The following RASA3 variants were observed in gnomAD, a reference collection of about 807,000 sequenced individuals.
The protein encoded by RASA3 is RAS p21 protein activator 3.
RASA3 carries 73 observed loss-of-function variants against 110.0 expected under a neutral mutation model. The ratio of observed to expected loss-of-function variants is 0.66; its 90% CI spans 0.55 to 0.81. The LOEUF (loss-of-function observed/expected upper bound fraction) is 0.81. Ranked by LOEUF, RASA3 falls within the 30% of genes least tolerant of loss-of-function variation. The pLI is 0.00. For synonymous variants in RASA3, 500 were observed against 451.4 expected, an observed-to-expected ratio of 1.11 and a Z score of -1.37; for missense variants, 976 against 1,113.2, an observed-to-expected ratio of 0.88 and a Z score of 1.75.
intron 4 of RASA3, among the ~76,000 whole-genome samples, chr13:114,034,859 G>A (rs372612281): frequency 2.0e-5 from 3 of 152,194 alleles, no homozygotes; most frequent in East Asian, 3.9e-4. Flanking sequence ...CTGGAGTGCC[G>A]GCCACACAGA....
chr13:113,995,597 GGCTGATGGGGGGCCCT>G (rs1050366776), intron 21 of RASA3, among the ~76,000 whole-genome samples: 6 of 151,872 alleles, frequency 4.0e-5, no homozygotes, highest in Admixed American at 1.3e-4. Flanking sequence ...CCAGAGGCCC[GGCTGATGGGGGGCCCT>G]GCTGATGGGG....
rs893867032 is a variant in RASA3 at position 114,115,616 on chromosome 13, G to T, written c.55+16819C>A. The stretch of plus-strand genomic sequence containing the variant: ...CCTCTGCAGGCCTCGTGTCCCCCTC[G>T]CTGTCGCCTGCCGATTTGGTGGCTC... On this transcript the variant is annotated intron_variant, in intron 1 of 23. Transcript: ENST00000334062. This position sits in a 1 kb window ranked among gnomAD's most constrained non-coding sequence, Gnocchi z 5.0. Among the ~76,000 whole-genome samples, 7 of 152,256 alleles carry T rather than the reference G, an allele frequency of 4.6e-5. No homozygotes were observed. Among genetic ancestry groups the T allele is most frequent in the Non-Finnish European group, 8.8e-5 (6 of 68,022 alleles).
intron 1 of RASA3, among the ~76,000 whole-genome samples, chr13:114,128,565 G>A (rs1402106284): frequency 6.6e-6 from 1 of 152,252 alleles, no homozygotes; most frequent in Non-Finnish European, 1.5e-5. Context: ...TCCTGCTTCA[G>A]GTGGGATTCT....
Position 114,073,260 on chromosome 13 carries a change from CGGG to C in RASA3, c.173+457_173+459del, listed in dbSNP as rs1566552211. Reference sequence around the variant, plus strand: ...GAAAAATTCCCTACACGCGGGAAAACGGGACGGTGATGTACACGCTCGGGACAT... The same window carrying C: ...GAAAAATTCCCTACACGCGGGAAAACACGGTGATGTACACGCTCGGGACAT... On this transcript the variant is annotated intron_variant, in intron 2 of 23. Coordinates refer to ENST00000334062, the MANE Select transcript of RASA3 (RefSeq NM_007368.4). 3.0e-4 allele frequency among the ~76,000 whole-genome samples: 38 copies of C among 125,454 alleles called. 2 individuals carry two copies. The highest frequency in any genetic ancestry group is 1.3e-3 in the East Asian group (5 of 3,868). The allele number at this position is 125,454 out of a possible 152,430, so 82.3% of individuals were successfully genotyped here.
intron 23 of RASA3, among the ~76,000 whole-genome samples, chr13:113,979,660 G>A (rs558504700): frequency 1.2e-4 from 18 of 152,190 alleles, no homozygotes; most frequent in Non-Finnish European, 2.4e-4. Flanking sequence ...CCTGTGGCAC[G>A]TGTGTAGCGC....
At chr13:114,034,294 C>T (rs910234340) in intron 4 of RASA3, among the ~76,000 whole-genome samples, 3 of 152,274 alleles carry the variant, frequency 2.0e-5, no homozygotes, top group Admixed American at 1.3e-4. Flanking sequence ...TCTCTCAGGA[C>T]AGAAGCGTTC....
chr13:114,018,265 G>A lies in RASA3; in HGVS notation c.943-13C>T, dbSNP rs1053169885. On this transcript the variant is annotated splice_polypyrimidine_tract_variant and intron_variant, in intron 10 of 23. Coordinates refer to ENST00000334062, the MANE Select transcript of RASA3 (RefSeq NM_007368.4). The stretch of plus-strand genomic sequence containing the variant: ...ACGCTGACACGGGCTGCGGGGAGGG[G>A]TGAGGTCAGTGCCAGGGCCCGGGGT... 3 of 1,548,236 alleles carry A rather than the reference G, an allele frequency of 1.9e-6. No individual in the cohort carries two copies. The highest frequency in any genetic ancestry group is 2.0e-5 in the Admixed American group (1 of 51,030).
intron 16 of RASA3, among the ~76,000 whole-genome samples, chr13:114,009,970 G>C (rs562868386): frequency 1.2e-4 from 18 of 152,200 alleles, no homozygotes; most frequent in African/African-American, 4.3e-4. Context: ...CCTGAGGCTC[G>C]ACCCCAAGTT....
rs770267107 is a variant in RASA3 at position 113,996,596 on chromosome 13, C to A, written c.2076G>T (p.Leu692=). ...RLTVYHPSAY[L]SGHWLCCRAP... ...CCCTACAGCACAGCCAGTGGCCGCT[C>A]AGGTAGGCGGACGGGTGGTAGACGG... The change falls in exon 21 of 24, where the codon CTG becomes CTT. Residue 692 remains leucine (L), a synonymous_variant. Transcript: ENST00000334062. 6.2e-7 allele frequency: 1 copy of A among 1,613,492 alleles called. No individual in the cohort carries two copies. Among genetic ancestry groups the A allele is most frequent in the Admixed American group, 1.7e-5 (1 of 60,008 alleles).
intron 1 of RASA3, among the ~76,000 whole-genome samples, chr13:114,109,797 C>T (rs944496424): frequency 1.3e-5 from 2 of 152,092 alleles, no homozygotes; most frequent in African/African-American, 4.8e-5. Context: ...GCGGGGCTGG[C>T]GCAGGGCCAC....
intron 20 of RASA3, among the ~76,000 whole-genome samples, chr13:113,998,099 G>C (rs1158541312): frequency 6.6e-6 from 1 of 152,218 alleles, no homozygotes; most frequent in Non-Finnish European, 1.5e-5. Context: ...GCTGGGAACA[G>C]GCGGCTGAAA....
intron 4 of RASA3, among the ~76,000 whole-genome samples, chr13:114,040,488 C>T (rs1353395082): frequency 4.6e-5 from 6 of 131,648 alleles, no homozygotes; most frequent in Non-Finnish European, 9.5e-5. Context: ...CGCGCTCACT[C>T]CGAGCACAAG....
intron 1 of RASA3, among the ~76,000 whole-genome samples, chr13:114,107,371 T>C (rs2080148803): frequency 6.6e-6 from 1 of 152,136 alleles, no homozygotes; most frequent in Non-Finnish European, 1.5e-5. Context: ...CTGTGTGTCC[T>C]GCCTTCGTGC....
At chr13:114,007,781 A>G (rs1423593621) in intron 17 of RASA3, among the ~76,000 whole-genome samples, 175 bp from the exon 18 acceptor site, 2 of 152,124 alleles carry the variant, frequency 1.3e-5, no homozygotes, top group Non-Finnish European at 2.9e-5. Context: ...CCACTGTGCC[A>G]CCCCAGCCCC....
chr13:114,002,748 A>C (rs1262015171), intron 18 of RASA3, among the ~76,000 whole-genome samples: 1 of 152,198 alleles, frequency 6.6e-6, no homozygotes, highest in Non-Finnish European at 1.5e-5. Flanking sequence ...CTCACTGCAC[A>C]GCTCTGGTCT....
chr13:114,077,724 C>T (rs2079714225), intron 1 of RASA3: 1 of 881,902 alleles, frequency 1.1e-6, no homozygotes, highest in Non-Finnish European at 1.4e-6. Flanking sequence ...GTTCCTCCCT[C>T]CCTGCCCGAT....
chr13:113,995,514 A>T (rs74116413), intron 21 of RASA3, among the ~76,000 whole-genome samples: 3,023 of 152,306 alleles, frequency 0.02, 103 homozygotes, highest in African/African-American at 0.068. Flanking sequence ...ACGGAGCATA[A>T]CCAGGGGGAC....
At chr13:114,038,000 G>A (rs912817498) in intron 4 of RASA3, among the ~76,000 whole-genome samples, 1 of 151,878 alleles carries the variant, frequency 6.6e-6, no homozygotes, top group East Asian at 1.9e-4. Flanking sequence ...GGAAAGGTGG[G>A]AATTCGCCCC....
At chr13:114,024,016 G>A (rs145963993) in intron 8 of RASA3, among the ~76,000 whole-genome samples, 5 of 152,324 alleles carry the variant, frequency 3.3e-5, no homozygotes, top group South Asian at 2.1e-4. Flanking sequence ...TGCAGCCCCC[G>A]TCACTCCAGG....
Sources: gnomAD v4.1 joint callset for allele counts (sites outside exome capture counted in the v4.1 genomes callset) on GRCh38, gnomAD v4.1.1 for gene constraint, Gnocchi (gnomAD v3.1) non-coding constraint, MANE v1.5 for transcripts, NCBI Gene and HGNC (gene_info 2026-07-23, HGNC 2026-07-21) for gene names.